The following ANKRD12 variants were observed in gnomAD, a reference collection of about 807,000 sequenced individuals.
ANKRD12 encodes ankyrin repeat domain-containing protein 12.
Under a neutral mutation model 183.4 loss-of-function variants are expected in ANKRD12, and 85 were observed. The ratio of observed to expected loss-of-function variants is 0.46; its 90% CI spans 0.39 to 0.56. ANKRD12 has a LOEUF of 0.56. Among genes scored for constraint, ANKRD12 ranks in the 20% least tolerant of loss-of-function variants. The probability of loss-of-function intolerance (pLI) is 0.00; values close to 1 mark genes in which losing one functional copy is unlikely to be tolerated. For synonymous variants in ANKRD12, 914 were observed against 800.2 expected (o/e 1.14, Z -2.40); for missense variants, 2,405 against 2,357.1 (o/e 1.02, Z -0.42).
At chr18:9,273,358 T>G (rs909739292) in intron 10 of ANKRD12, among the ~76,000 whole-genome samples, 5 of 152,194 alleles carry the variant, frequency 3.3e-5, no homozygotes, top group African/African-American at 1.2e-4. Context: ...TGTCAGAGGT[T>G]TACAAGTAGT....
chr18:9,225,472 T>TAAA (rs200715342), intron 8 of ANKRD12, among the ~76,000 whole-genome samples: 2 of 68,484 alleles, frequency 2.9e-5, no homozygotes, highest in African/African-American at 4.2e-5. Context: ...AGACTATCTT[T>TAAA]AAAAAAAAAA....
intron 1 of ANKRD12, among the ~76,000 whole-genome samples, chr18:9,178,098 A>G (rs1255361473): frequency 6.6e-6 from 1 of 152,126 alleles, no homozygotes; most frequent in Non-Finnish European, 1.5e-5. Flanking sequence ...ACACCTTAAC[A>G]GGGTAATTTA....
At chr18:9,261,990 C>T (rs764418773) in intron 9 of ANKRD12, among the ~76,000 whole-genome samples, 20 of 152,280 alleles carry the variant, frequency 1.3e-4, no homozygotes, top group African/African-American at 2.6e-4. Context: ...GTTCACAGGA[C>T]GCAGAAATTA....
At chr18:9,232,901 G>A (rs1275810926) in intron 8 of ANKRD12, among the ~76,000 whole-genome samples, 4 of 151,998 alleles carry the variant, frequency 2.6e-5, no homozygotes, top group African/African-American at 9.7e-5. Flanking sequence ...CCAGGTTGGG[G>A]TGCAGTGGTG....
intron 1 of ANKRD12, among the ~76,000 whole-genome samples, chr18:9,141,575 T>G (rs528991160): frequency 5.7e-4 from 87 of 152,338 alleles, no homozygotes; most frequent in African/African-American, 2.0e-3. Flanking sequence ...TGGAGATGCT[T>G]CCAACTTAAA....
At chr18:9,178,078 C>T (rs1455511314) in intron 1 of ANKRD12, among the ~76,000 whole-genome samples, 2 of 152,176 alleles carry the variant, frequency 1.3e-5, no homozygotes, top group African/African-American at 4.8e-5. Flanking sequence ...GCTGGCTTTT[C>T]ATTTTCTTAA....
chr18:9,190,576 TGA>T (rs1276435736), intron 2 of ANKRD12, among the ~76,000 whole-genome samples: 2 of 152,144 alleles, frequency 1.3e-5, no homozygotes, highest in African/African-American at 4.8e-5. Context: ...AGATCTCTTG[TGA>T]GAGAAAGTCA....
chr18:9,178,353 A>G (rs1241738578), intron 1 of ANKRD12, among the ~76,000 whole-genome samples: 4 of 145,056 alleles, frequency 2.8e-5, no homozygotes, highest in African/African-American at 1.0e-4. Flanking sequence ...CGTTTTTTGC[A>G]TTTGGATATA....
At chr18:9,140,065 C>T (rs2078264254) in intron 1 of ANKRD12, among the ~76,000 whole-genome samples, 2 of 152,140 alleles carry the variant, frequency 1.3e-5, no homozygotes, top group South Asian at 2.1e-4. Context: ...TTTGACATAT[C>T]GCATTAACTT....
intron 1 of ANKRD12, among the ~76,000 whole-genome samples, chr18:9,145,983 T>G (rs910338165): frequency 6.6e-6 from 1 of 152,110 alleles, no homozygotes; most frequent in Admixed American, 6.5e-5. Flanking sequence ...TATTTTGAAG[T>G]TGTAGATTTT....
chr18:9,265,078 AG>A (rs372793513), intron 10 of ANKRD12, among the ~76,000 whole-genome samples: 11,165 of 151,962 alleles, frequency 0.073, 419 homozygotes, highest in African/African-American at 0.082. Flanking sequence ...AGGCTGGGGG[AG>A]GGGCACCCGC....
chr18:9,156,855 A>G (rs1324666043), intron 1 of ANKRD12, among the ~76,000 whole-genome samples: 4 of 152,268 alleles, frequency 2.6e-5, no homozygotes, highest in African/African-American at 9.6e-5. Context: ...CTTTGAAGTC[A>G]GTATGCTAAG....
intron 1 of ANKRD12, among the ~76,000 whole-genome samples, chr18:9,147,747 T>A (rs970391103): frequency 2.0e-5 from 3 of 152,164 alleles, no homozygotes; most frequent in African/African-American, 4.8e-5. Flanking sequence ...AGAACAAAAC[T>A]AATAAAGTAT....
chr18:9,215,054 G>GA (rs1567924928), intron 6 of ANKRD12, among the ~76,000 whole-genome samples: 1 of 152,108 alleles, frequency 6.6e-6, no homozygotes, highest in Non-Finnish European at 1.5e-5. Context: ...GATAACAGGA[G>GA]AAGTGGCTTC....
At position 9,182,392 on chromosome 18, in the gene ANKRD12, A is replaced by G. The variant is rs747537965; in HGVS notation, c.-41A>G. On this transcript the variant is annotated 5_prime_UTR_variant, in exon 2 of 13. Transcript: ENST00000262126. ...ATCTATTCTTTACAGATCCAGGATG[A>G]GAAGACTGATAAAAGAAGAAGCTAG... is the stretch of plus-strand genomic sequence containing the variant. The G allele has an allele frequency of 3.7e-6, 5 of 1,343,502 alleles. No individual in the cohort carries two copies. Among genetic ancestry groups the G allele is most frequent in the Non-Finnish European group, 5.3e-6 (5 of 945,708 alleles). 83.2% of individuals were successfully genotyped at this position (1,343,502 alleles called of 1,614,324 possible). A position where few individuals can be genotyped will look rare whatever the true frequency, so the allele number is the denominator to read the frequency against.
At chr18:9,279,701 A>C (rs1024034219) in intron 12 of ANKRD12, 57 bp downstream of exon 12, 28 of 1,058,446 alleles carry the variant, frequency 2.6e-5, no homozygotes, top group Middle Eastern at 3.0e-4. Flanking sequence ...AAAAAAAAAA[A>C]AAACTCTACA....
chr18:9,168,394 A>T (rs559721879), intron 1 of ANKRD12, among the ~76,000 whole-genome samples: 1 of 152,162 alleles, frequency 6.6e-6, no homozygotes, highest in African/African-American at 2.4e-5. Context: ...CCTCAATTTC[A>T]GAGCCTGTTA....
chr18:9,243,370 T>G (rs1262623824), intron 8 of ANKRD12, among the ~76,000 whole-genome samples: 1 of 152,152 alleles, frequency 6.6e-6, no homozygotes, highest in Non-Finnish European at 1.5e-5. Flanking sequence ...CAGAGGAGAC[T>G]CTCCACAAAA....
intron 1 of ANKRD12, among the ~76,000 whole-genome samples, chr18:9,159,635 T>G (rs2143748271): frequency 6.6e-6 from 1 of 150,896 alleles, no homozygotes; most frequent in Middle Eastern, 3.5e-3. Flanking sequence ...GAGACAGGGT[T>G]TCGCCGTGTT....
Sources: gnomAD v4.1 joint callset for allele counts (sites outside exome capture counted in the v4.1 genomes callset) on GRCh38, gnomAD v4.1.1 for gene constraint, MANE v1.5 for transcripts, NCBI Gene and HGNC (gene_info 2026-07-23, HGNC 2026-07-21) for gene names.